CPVL: variants seen among roughly 807,000 people sequenced by gnomAD.
The protein encoded by CPVL is probable serine carboxypeptidase CPVL.
In CPVL, 51 loss-of-function variants were observed where a neutral mutation model predicts 63.7. That is an observed-to-expected ratio of 0.80 (90% CI 0.64 to 1.01). The LOEUF (loss-of-function observed/expected upper bound fraction) is 1.01, where lower values mean the gene tolerates loss of function less well. Among genes scored for constraint, CPVL ranks in the 50% least tolerant of loss-of-function variants. The pLI is 0.00. For missense variants in CPVL, 530 were observed against 573.1 expected (o/e 0.92, Z 0.77); for synonymous variants, 195 against 206.0 (o/e 0.95, Z 0.46).
At chr7:29,181,167 G>T (rs962972128) in intron 5 of CPVL, 1 of 152,178 alleles carries the variant, frequency 6.6e-6, no homozygotes, top group Non-Finnish European at 1.5e-5. Context: ...GTTCTGGAAT[G>T]AATATAAATT....
chr7:29,036,785 AAG>A (rs1788566117), intron 11 of CPVL, among the ~76,000 whole-genome samples: 1 of 152,314 alleles, frequency 6.6e-6, no homozygotes, highest in South Asian at 2.1e-4. Flanking sequence ...GAGTAATAAT[AAG>A]ACTCTCTTGT....
intron 4 of CPVL, among the ~76,000 whole-genome samples, chr7:29,181,761 T>G (rs967092024): frequency 1.3e-5 from 2 of 152,164 alleles, no homozygotes; most frequent in Non-Finnish European, 2.9e-5. Flanking sequence ...AATAGACACT[T>G]TTTTATATAG....
chr7:29,142,842 T>C (rs1266889846), intron 1 of CPVL, among the ~76,000 whole-genome samples: 1 of 152,108 alleles, frequency 6.6e-6, no homozygotes, highest in Non-Finnish European at 1.5e-5. Context: ...AGATTCTTAA[T>C]GATGCTCCCT....
chr7:29,039,261 CCTT>C (rs1278736325), intron 11 of CPVL, among the ~76,000 whole-genome samples: 1 of 152,122 alleles, frequency 6.6e-6, no homozygotes, highest in African/African-American at 2.4e-5. Flanking sequence ...AGCAAGAAAA[CCTT>C]CTCCTAGTAA....
chr7:29,176,043 A>C (rs1365336492), intron 5 of CPVL, among the ~76,000 whole-genome samples: 1 of 152,004 alleles, frequency 6.6e-6, no homozygotes, highest in Non-Finnish European at 1.5e-5. Flanking sequence ...AAAATTAGCC[A>C]GGCGTGGTGG....
chr7:29,182,347 A>G (rs1423068502), intron 4 of CPVL, among the ~76,000 whole-genome samples: 1 of 152,246 alleles, frequency 6.6e-6, no homozygotes, highest in African/African-American at 2.4e-5. Context: ...ATAATGAAAT[A>G]AGATCATAAG....
At chr7:29,144,936 G>A (rs374384838) in intron 1 of CPVL, among the ~76,000 whole-genome samples, 1 of 151,854 alleles carries the variant, frequency 6.6e-6, no homozygotes, top group South Asian at 2.1e-4. Flanking sequence ...ATATAAATTG[G>A]GGGATCAATT....
chr7:29,124,539 G>C (rs1248206644), intron 1 of CPVL, among the ~76,000 whole-genome samples: 1 of 152,000 alleles, frequency 6.6e-6, no homozygotes, highest in African/African-American at 2.4e-5. Flanking sequence ...TCCAATGTAT[G>C]ATTTTTGATA....
At chr7:29,150,538 G>A (rs938619395), upstream of CPVL, among the ~76,000 whole-genome samples, 1 of 152,164 alleles carries the variant, frequency 6.6e-6, no homozygotes, top group Non-Finnish European at 1.5e-5. Context: ...TTCCAGTTAA[G>A]AAGACACAGA....
chr7:29,101,212 T>C (rs1479043765), intron 3 of CPVL, among the ~76,000 whole-genome samples: 1 of 152,218 alleles, frequency 6.6e-6, no homozygotes, highest in Non-Finnish European at 1.5e-5. Context: ...TTTACAGCAT[T>C]ACAAAATTCA....
In CPVL at chr7:29,112,821, TC is replaced by T; in HGVS notation, c.170del (p.Gly57GlufsTer4). 1 of 1,605,824 alleles carries T rather than the reference TC, an allele frequency of 6.2e-7. No individual in the cohort carries two copies. Among genetic ancestry groups the T allele is most frequent in the African/African-American group, 1.4e-5 (1 of 73,638 alleles). On this transcript the variant is annotated frameshift_variant and splice_region_variant, in exon 3 of 13. Coordinates refer to ENST00000265394, the MANE Select transcript of CPVL (RefSeq NM_031311.5). Reference protein sequence around the residue: ...PYIEAGKIQKGRELSLVGPFP... With the variant: ...PYIEAGKIQKXRELSLVGPFP... The stretch of plus-strand genomic sequence containing the variant: ...AAGGGCCGACCAAACTCAATTCTCT[TC>T]CTAGTGGGGGAAAAAAAATTTACCC...
At chr7:29,111,737 A>T (rs1201198115) in intron 3 of CPVL, among the ~76,000 whole-genome samples, 1 of 152,206 alleles carries the variant, frequency 6.6e-6, no homozygotes, top group Non-Finnish European at 1.5e-5. Context: ...AATATAACTC[A>T]ATAGTACCAG....
intron 11 of CPVL, among the ~76,000 whole-genome samples, chr7:29,062,442 T>C (rs1782714664): frequency 6.6e-6 from 1 of 152,228 alleles, no homozygotes; most frequent in Admixed American, 6.5e-5. Context: ...CTGACCTAGT[T>C]AGACTCTTTC....
At chr7:29,011,595 T>C (rs1019315509) in intron 12 of CPVL, 2 of 152,148 alleles carry the variant, frequency 1.3e-5, no homozygotes, top group Non-Finnish European at 2.9e-5. Flanking sequence ...CATACATAAT[T>C]AATACAGAGT....
chr7:28,996,135 T>G, intron 12 of CPVL: 1 of 377,212 alleles, frequency 2.7e-6, no homozygotes, highest in Non-Finnish European at 4.7e-6. Flanking sequence ...GTGTAAAAAT[T>G]GAAAATTATT....
At chr7:29,073,371 T>A (rs1783938271) in intron 7 of CPVL, among the ~76,000 whole-genome samples, 1 of 152,188 alleles carries the variant, frequency 6.6e-6, no homozygotes, top group Non-Finnish European at 1.5e-5. Flanking sequence ...TCACATCATC[T>A]CTGGCCTGGA....
intron 5 of CPVL, among the ~76,000 whole-genome samples, chr7:29,173,844 TG>T (rs1562807642): frequency 6.7e-6 from 1 of 150,036 alleles, no homozygotes; most frequent in African/African-American, 2.5e-5. Flanking sequence ...CCATCTTACT[TG>T]GGGGGCTGAG....
intron 11 of CPVL, among the ~76,000 whole-genome samples, chr7:29,031,815 C>A (rs952240488): frequency 2.6e-5 from 4 of 151,996 alleles, no homozygotes; most frequent in Non-Finnish European, 5.9e-5. Flanking sequence ...TTCATTGAAC[C>A]ATGATGCAAT....
chr7:29,003,646 C>T lies in CPVL; in HGVS notation c.1321-7764G>A, dbSNP rs181604155. Among the ~76,000 whole-genome samples the T allele has an allele frequency of 3.0e-4, 45 of 152,186 alleles. No individual in the cohort carries two copies. The East Asian group carries it at 7.7e-3, about 26-fold the overall frequency. On this transcript the variant is annotated intron_variant, in intron 12 of 12. Coordinates refer to ENST00000265394, the MANE Select transcript of CPVL (RefSeq NM_031311.5). ...AGTTTTTCAAAAGACAGTACTTGCA[C>T]AAAAAGGGTGTAAAGTGAGTTAAAG...
Sources: allele counts gnomAD v4.1 joint callset (sites outside exome capture counted in the v4.1 genomes callset), GRCh38; gene constraint gnomAD v4.1.1; transcripts MANE v1.5; gene names NCBI Gene and HGNC (gene_info 2026-07-23, HGNC 2026-07-21).